Variants in SYT16 observed in about 807,000 individuals in gnomAD.
SYT16 encodes synaptotagmin 16.
A neutral mutation model predicts 61.4 loss-of-function variants in SYT16; 42 were observed. That is an observed-to-expected ratio of 0.68 (90% CI 0.53 to 0.89). The LOEUF is 0.89. SYT16 is among the 40% of genes least tolerant of loss of function. The probability of loss-of-function intolerance (pLI) is 0.00; values close to 1 mark genes in which losing one functional copy is unlikely to be tolerated. For synonymous variants in SYT16, 314 were observed against 302.3 expected (o/e 1.04, Z -0.40); for missense variants, 804 against 807.3 (o/e 1.00, Z 0.05).
chr14:62,040,922 C>T (rs1360009616), intron 3 of SYT16, among the ~76,000 whole-genome samples: 2 of 151,910 alleles, frequency 1.3e-5, no homozygotes, highest in Non-Finnish European at 2.9e-5. Flanking sequence ...AGGGACAGAA[C>T]TAATAGGATA....
At chr14:61,846,904 A>G (rs1247602196) in intron 1 of SYT16, among the ~76,000 whole-genome samples, 2 of 152,156 alleles carry the variant, frequency 1.3e-5, no homozygotes. Context: ...AAACAACACT[A>G]TTTGCATAAA....
At chr14:61,927,920 TATC>T (rs2049600691) in intron 1 of SYT16, among the ~76,000 whole-genome samples, 1 of 151,994 alleles carries the variant, frequency 6.6e-6, no homozygotes, top group Non-Finnish European at 1.5e-5. Flanking sequence ...CTCAAGGAAA[TATC>T]ATGCCTGGTT....
At chr14:62,006,504 T>TATTTAGCCCAAACAA (rs2053231780) in intron 3 of SYT16, among the ~76,000 whole-genome samples, 2 of 152,202 alleles carry the variant, frequency 1.3e-5, no homozygotes, top group Admixed American at 1.3e-4. Flanking sequence ...TAAGCTAAAT[T>TATTTAGCCCAAACAA]GGCCCAAAAC....
intron 1 of SYT16, among the ~76,000 whole-genome samples, chr14:61,935,443 A>G (rs546317267): frequency 3.1e-4 from 47 of 152,306 alleles, no homozygotes; most frequent in African/African-American, 1.1e-3. Flanking sequence ...CTGCAGAAGA[A>G]AAGTCCTAAG....
chr14:61,925,551 T>C (rs1464943927), intron 1 of SYT16, among the ~76,000 whole-genome samples: 1 of 152,224 alleles, frequency 6.6e-6, no homozygotes, highest in African/African-American at 2.4e-5. Flanking sequence ...AGTCTCATTG[T>C]AATTAATGTA....
At chr14:62,089,283 C>CA (rs2140995953) in intron 7 of SYT16, among the ~76,000 whole-genome samples, 1 of 149,970 alleles carries the variant, frequency 6.7e-6, no homozygotes, top group East Asian at 2.0e-4. Flanking sequence ...CGCACTACTG[C>CA]ACTCCAGCCT....
At chr14:61,898,238 C>T (rs1453274423) in intron 1 of SYT16, among the ~76,000 whole-genome samples, 1 of 152,050 alleles carries the variant, frequency 6.6e-6, no homozygotes, top group African/African-American at 2.4e-5. Flanking sequence ...CCTGTAATTC[C>T]CCACCTCCCC....
chr14:62,011,898 C>A (rs1242958417), intron 3 of SYT16, among the ~76,000 whole-genome samples: 1 of 128,454 alleles, frequency 7.8e-6, no homozygotes, highest in Non-Finnish European at 1.6e-5. Context: ...CACACACACA[C>A]ACACACATAT....
intron 1 of SYT16, among the ~76,000 whole-genome samples, chr14:61,836,850 T>C (rs2046146309): frequency 6.6e-6 from 1 of 152,232 alleles, no homozygotes; most frequent in Non-Finnish European, 1.5e-5. Context: ...TATGAATTTT[T>C]TTGTGTGGCC....
chr14:62,011,872 TATACACACACACACACAC>T (rs2053468234), intron 3 of SYT16, among the ~76,000 whole-genome samples: 1 of 135,872 alleles, frequency 7.4e-6, no homozygotes, highest in African/African-American at 3.1e-5. Context: ...GAACACTATA[TATACACACACACACACAC>T]ACACACACAC....
intron 1 of SYT16, among the ~76,000 whole-genome samples, chr14:61,874,776 T>C (rs1484406944): frequency 6.6e-6 from 1 of 152,132 alleles, no homozygotes; most frequent in Non-Finnish European, 1.5e-5. Flanking sequence ...AGATTTTTTT[T>C]TTTTTTTTTT....
At chr14:61,968,387 C>A (rs951296047) in intron 1 of SYT16, among the ~76,000 whole-genome samples, 1 of 152,076 alleles carries the variant, frequency 6.6e-6, no homozygotes. Context: ...ATGGGAGACA[C>A]CTGGTTCATT....
At chr14:62,023,869 G>T (rs115445821) in intron 3 of SYT16, among the ~76,000 whole-genome samples, 2 of 152,014 alleles carry the variant, frequency 1.3e-5, no homozygotes, top group Non-Finnish European at 2.9e-5. Flanking sequence ...ACCAAACATT[G>T]GTAGTGTATT....
At chr14:61,853,639 C>T (rs1378450518) in intron 1 of SYT16, among the ~76,000 whole-genome samples, 1 of 152,174 alleles carries the variant, frequency 6.6e-6, no homozygotes, top group Non-Finnish European at 1.5e-5. Context: ...TTGGAACTTT[C>T]CAGACTCCAT....
chr14:61,977,188 A>G (rs1303833482), intron 2 of SYT16, among the ~76,000 whole-genome samples: 1 of 152,178 alleles, frequency 6.6e-6, no homozygotes, highest in Admixed American at 6.5e-5. Flanking sequence ...ATTTTCTCAC[A>G]TCTTCCTGTC....
chr14:62,000,603 C>A (rs1488475759), intron 3 of SYT16, among the ~76,000 whole-genome samples: 1 of 151,786 alleles, frequency 6.6e-6, no homozygotes, highest in Non-Finnish European at 1.5e-5. Context: ...TTTGTTTGTT[C>A]CATCTGTTCT....
intron 1 of SYT16, among the ~76,000 whole-genome samples, chr14:61,947,574 A>T (rs373755335): frequency 2.0e-5 from 3 of 152,092 alleles, no homozygotes; most frequent in African/African-American, 7.2e-5. Flanking sequence ...CAGTTTACTG[A>T]TAGGGTTATT....
intron 1 of SYT16, among the ~76,000 whole-genome samples, chr14:61,835,322 G>T (rs1172105183): frequency 6.1e-5 from 9 of 147,346 alleles, no homozygotes; most frequent in African/African-American, 1.0e-4. Flanking sequence ...GCAGTGGCGC[G>T]GTCTCGGCTC....
intron 2 of SYT16, among the ~76,000 whole-genome samples, chr14:61,995,616 T>G (rs1177828417): frequency 6.6e-6 from 1 of 152,144 alleles, no homozygotes; most frequent in African/African-American, 2.4e-5. Context: ...AAGGATGGTC[T>G]ATGGGGATAG....
Sources: gnomAD v4.1 joint callset for allele counts (sites outside exome capture counted in the v4.1 genomes callset) on GRCh38, gnomAD v4.1.1 for gene constraint, MANE v1.5 for transcripts, NCBI Gene and HGNC (gene_info 2026-07-23, HGNC 2026-07-21) for gene names.